Variants in HKDC1 observed in about 807,000 individuals in gnomAD.
The protein encoded by HKDC1 is hexokinase domain containing 1, also known as hexokinase HKDC1.
HKDC1 carries 66 observed loss-of-function variants against 96.6 expected under a neutral mutation model. That is an observed-to-expected ratio of 0.68 (90% CI 0.56 to 0.84). HKDC1 has a LOEUF of 0.84. Ranked by LOEUF, HKDC1 falls within the 40% of genes least tolerant of loss-of-function variation. The probability of loss-of-function intolerance (pLI) is 0.00; values close to 1 mark genes in which losing one functional copy is unlikely to be tolerated. For synonymous variants in HKDC1, 466 were observed against 473.1 expected, an observed-to-expected ratio of 0.98 and a Z score of 0.20; for missense variants, 1,211 against 1,208.1, an observed-to-expected ratio of 1.00 and a Z score of -0.04.
chr10:69,227,690 G>A (rs1335295532), intron 2 of HKDC1, among the ~76,000 whole-genome samples: 2 of 152,180 alleles, frequency 1.3e-5, no homozygotes, highest in Non-Finnish European at 2.9e-5. Flanking sequence ...CCTCCATCTA[G>A]GAAGTATCCC....
intron 16 of HKDC1, 69 bp downstream of exon 16, chr10:69,261,363 A>G: frequency 6.0e-6 from 9 of 1,490,378 alleles, no homozygotes; most frequent in Non-Finnish European, 6.5e-6. Flanking sequence ...GGGTTGGGCC[A>G]ATTTGAGGTT....
chr10:69,220,526 T>G, intron 1 of HKDC1, 28 bp downstream of exon 1: 1 of 1,492,290 alleles, frequency 6.7e-7, no homozygotes, highest in Non-Finnish European at 9.1e-7. Context: ...AGCTGAGAGA[T>G]GCCCAGCTCC....
At chr10:69,253,755 G>C (rs1314553829) in intron 12 of HKDC1, among the ~76,000 whole-genome samples, 2 of 152,188 alleles carry the variant, frequency 1.3e-5, no homozygotes, top group African/African-American at 4.8e-5. Context: ...ATGGTGGTGA[G>C]GAAGGGGTGC....
intron 4 of HKDC1, among the ~76,000 whole-genome samples, chr10:69,234,331 A>G (rs538280339): frequency 1.9e-4 from 29 of 152,340 alleles, no homozygotes; most frequent in African/African-American, 7.0e-4. Flanking sequence ...CATGGCTTTG[A>G]ATCATGGTTC....
intron 17 of HKDC1, 90 bp from the exon 18 acceptor site, chr10:69,266,520 G>T: frequency 7.1e-7 from 1 of 1,400,970 alleles, no homozygotes; most frequent in South Asian, 1.4e-5. Context: ...AAACCAAAGG[G>T]AAGAAGCTAA....
intron 2 of HKDC1, among the ~76,000 whole-genome samples, chr10:69,230,314 C>A (rs1303786773): frequency 2.0e-5 from 3 of 152,192 alleles, no homozygotes; most frequent in Non-Finnish European, 4.4e-5. Flanking sequence ...GCCTCCAAGG[C>A]CAAATAGGCC....
rs189063054 is a variant in HKDC1, at chr10:69,228,210, G to A, written c.226+841G>A. On this transcript the variant is annotated intron_variant, in intron 2 of 17. Coordinates refer to ENST00000354624, the MANE Select transcript of HKDC1 (RefSeq NM_025130.4). ...GAGGCCACCTGCATCCTTGAGGCATGCCCCTTTCTGTTCTCAAAGCCAGCA... is the reference window on the plus strand; with the variant it reads ...GAGGCCACCTGCATCCTTGAGGCATACCCCTTTCTGTTCTCAAAGCCAGCA... Among the ~76,000 whole-genome samples, 6 of 152,228 alleles carry A rather than the reference G, an allele frequency of 3.9e-5. No homozygotes were observed. In the East Asian group the frequency reaches 1.2e-3, roughly 29 times the overall value.
At chr10:69,254,333 A>T (rs1843689022) in intron 12 of HKDC1, among the ~76,000 whole-genome samples, 1 of 151,672 alleles carries the variant, frequency 6.6e-6, no homozygotes, top group Non-Finnish European at 1.5e-5. Context: ...TTTTTTAACC[A>T]TTTTCTTATT....
Position 69,258,842 on chromosome 10 carries a change from G to A in HKDC1, c.2099G>A (p.Gly700Glu), listed in dbSNP as rs1843761284. 4.3e-6 allele frequency: 7 copies of A among 1,614,026 alleles called. No homozygotes were observed. The highest frequency in any genetic ancestry group is 5.9e-6 in the Non-Finnish European group (7 of 1,179,976). The change falls in exon 15 of 18, where the codon GGG (glycine) becomes GAG (glutamate). Residue 700 changes from glycine to glutamate, a missense_variant. By Grantham distance (98) the Gly-to-Glu change is moderately conservative (BLOSUM62 -2). Coordinates refer to ENST00000354624, the MANE Select transcript of HKDC1 (RefSeq NM_025130.4). ...ATCGAGATGGTGGAGGGGGGTGAAG[G>A]GAAGATGTGCATCAATACAGAGTGG... ...RNIEMVEGGE[G>E]KMCINTEWGG...
In HKDC1 at chr10:69,226,787, A is replaced by G. The variant is rs147984652; in HGVS notation, c.64-420A>G. On this transcript the variant is annotated intron_variant, in intron 1 of 17. Transcript: ENST00000354624. ...TAGCTATATCTGTGGTCATCATTGG[A>G]TGAAAGAAAGCTTCCATGTTTAGAA... Among the ~76,000 whole-genome samples, 115 of 152,328 alleles carry G rather than the reference A, an allele frequency of 7.5e-4. No individual in the cohort carries two copies. In the Middle Eastern group the frequency reaches 0.01, roughly 14 times the overall value.
Position 69,267,338 on chromosome 10 carries a change from A to T in HKDC1, c.*581A>T. 1 of 372,938 alleles carries T rather than the reference A, an allele frequency of 2.7e-6. No homozygotes were observed. Among genetic ancestry groups the T allele is most frequent in the Non-Finnish European group, 5.2e-6 (1 of 193,092 alleles). The allele number at this position is 372,938 out of a possible 1,614,324, so 23.1% of individuals were successfully genotyped here. A position where few individuals can be genotyped will look rare whatever the true frequency, so the allele number is the denominator to read the frequency against. ...GCAGAGAGGTTGATTGCCAGGGAGCACTGCAGGAATCATTGCATGCTTAAA... is the reference window on the plus strand; with the variant it reads ...GCAGAGAGGTTGATTGCCAGGGAGCTCTGCAGGAATCATTGCATGCTTAAA... On this transcript the variant is annotated 3_prime_UTR_variant, in exon 18 of 18. Coordinates refer to ENST00000354624, the MANE Select transcript of HKDC1 (RefSeq NM_025130.4).
intron 16 of HKDC1, among the ~76,000 whole-genome samples, chr10:69,263,966 G>A (rs958411373): frequency 7.2e-5 from 11 of 152,174 alleles, no homozygotes; most frequent in Admixed American, 5.9e-4. Flanking sequence ...CCTGAGGTCA[G>A]GTAGCCAACA....
chr10:69,229,939 C>T (rs1843225197), intron 2 of HKDC1, among the ~76,000 whole-genome samples: 1 of 152,156 alleles, frequency 6.6e-6, no homozygotes, highest in Admixed American at 6.5e-5. Context: ...GTCCCAAGTC[C>T]TCCTAGCTCT....
chr10:69,250,833 AGACT>A (rs1336196453), intron 12 of HKDC1, among the ~76,000 whole-genome samples, 181 bp downstream of exon 12: 1 of 152,204 alleles, frequency 6.6e-6, no homozygotes, highest in Non-Finnish European at 1.5e-5. Flanking sequence ...ACGATTTTTT[AGACT>A]GACCATTCAC....
chr10:69,251,087 C>CTTT lies in HKDC1; in HGVS notation c.1836+457_1836+459dup, dbSNP rs869084452. On this transcript the variant is annotated intron_variant, in intron 12 of 17. Transcript: ENST00000354624. ...CCAGCACATCACAAGAAATACATTTCTTTTTTTTTTTTTTTTTTTTTTTTG... is the reference window on the plus strand; with the variant it reads ...CCAGCACATCACAAGAAATACATTTCTTTTTTTTTTTTTTTTTTTTTTTTTTTG... 3.3e-3 allele frequency among the ~76,000 whole-genome samples: 302 copies of CTTT among 92,664 alleles called. 1 individual carries two copies. The highest frequency in any genetic ancestry group is 4.5e-3 in the Non-Finnish European group (219 of 48,708). 60.8% of individuals were successfully genotyped at this position (92,664 alleles called of 152,430 possible).
chr10:69,256,977 G>A (rs1843725690), intron 12 of HKDC1, 59 bp from the exon 13 acceptor site: 3 of 1,263,386 alleles, frequency 2.4e-6, no homozygotes, highest in Non-Finnish European at 3.5e-6. Flanking sequence ...TGGATGTTGA[G>A]GTTGTGCAGT....
chr10:69,225,763 A>G (rs999495291), intron 1 of HKDC1: 2 of 152,136 alleles, frequency 1.3e-5, no homozygotes, highest in Admixed American at 6.5e-5. Context: ...AGTGATCTAG[A>G]GCCTATGTTA....
chr10:69,226,226 C>T (rs935241163), intron 1 of HKDC1, among the ~76,000 whole-genome samples: 1 of 152,222 alleles, frequency 6.6e-6, no homozygotes, highest in African/African-American at 2.4e-5. Flanking sequence ...AACTTCCCTC[C>T]TTTGGGTATG....
At position 69,250,653 on chromosome 10, in the gene HKDC1, G is replaced by A; in HGVS notation, c.1836+1G>A. The A allele has an allele frequency of 6.2e-7, 1 of 1,613,404 alleles. No individual in the cohort carries two copies. Among genetic ancestry groups the A allele is most frequent in the Non-Finnish European group, 8.5e-7 (1 of 1,179,990 alleles). The stretch of plus-strand genomic sequence containing the variant: ...CTGCAGGCAGATGAGCATTGACAAG[G>A]TAAGATAGCCCCACCAGGCTCACGG... On this transcript the variant is annotated splice_donor_variant, in intron 12 of 17. Coordinates refer to ENST00000354624, the MANE Select transcript of HKDC1 (RefSeq NM_025130.4). LOFTEE classifies it high-confidence loss of function.
Sources: gnomAD v4.1 joint callset for allele counts (sites outside exome capture counted in the v4.1 genomes callset) on GRCh38, gnomAD v4.1.1 for gene constraint, MANE v1.5 for transcripts, NCBI Gene and HGNC (gene_info 2026-07-23, HGNC 2026-07-21) for gene names.